Variants in LEKR1 observed in about 807,000 individuals in gnomAD.
LEKR1 encodes protein LEKR1.
A neutral mutation model predicts 72.4 loss-of-function variants in LEKR1; 59 were observed. The ratio of observed to expected loss-of-function variants is 0.82; its 90% confidence interval spans 0.66 to 1.01. The LOEUF (loss-of-function observed/expected upper bound fraction) is 1.01. Ranked by LOEUF, LEKR1 falls within the 50% of genes least tolerant of loss-of-function variation. The probability of loss-of-function intolerance (pLI) is 0.00; values close to 1 mark genes in which losing one functional copy is unlikely to be tolerated. For synonymous variants in LEKR1, 257 were observed against 263.2 expected (o/e 0.98, Z 0.23); for missense variants, 728 against 759.2 (o/e 0.96, Z 0.48).
intron 6 of LEKR1, among the ~76,000 whole-genome samples, chr3:156,971,002 A>G (rs1345716183): frequency 6.6e-6 from 1 of 151,764 alleles, no homozygotes; most frequent in African/African-American, 2.4e-5. Flanking sequence ...TAAAGTTCAT[A>G]TGGAACCAAA....
At chr3:157,004,873 C>T (rs903424713) in intron 9 of LEKR1, among the ~76,000 whole-genome samples, 7 of 151,898 alleles carry the variant, frequency 4.6e-5, no homozygotes, top group Non-Finnish European at 1.0e-4. Flanking sequence ...TTTCAGCTTC[C>T]ACTTTAGGCA....
chr3:156,930,718 T>C (rs1023314946), intron 5 of LEKR1, among the ~76,000 whole-genome samples: 4 of 152,080 alleles, frequency 2.6e-5, no homozygotes, highest in African/African-American at 9.7e-5. Context: ...GGCATATGGA[T>C]CAACAAAGAT....
chr3:156,870,610 T>C (rs959293153), intron 3 of LEKR1, among the ~76,000 whole-genome samples: 2 of 152,110 alleles, frequency 1.3e-5, no homozygotes, highest in Admixed American at 6.6e-5. Context: ...TTTCTAGATA[T>C]TTATATCATC....
chr3:156,877,302 T>G (rs183845519), intron 3 of LEKR1, among the ~76,000 whole-genome samples: 1 of 152,280 alleles, frequency 6.6e-6, no homozygotes, highest in Admixed American at 6.5e-5. Flanking sequence ...TTTATGTCAT[T>G]CCTGGTTTTG....
chr3:156,898,362 A>G (rs185934608), intron 3 of LEKR1, among the ~76,000 whole-genome samples: 9 of 152,248 alleles, frequency 5.9e-5, no homozygotes, highest in African/African-American at 2.2e-4. Flanking sequence ...ACCCTTAGAT[A>G]GGAATTTGGG....
At chr3:157,033,610 C>T (rs2108041494) in intron 12 of LEKR1, among the ~76,000 whole-genome samples, 1 of 152,294 alleles carries the variant, frequency 6.6e-6, no homozygotes, top group Non-Finnish European at 1.5e-5. Context: ...GACAAGAAGC[C>T]ATTTCCAGAA....
chr3:156,946,335 T>A (rs1406955113), intron 6 of LEKR1, among the ~76,000 whole-genome samples: 2 of 151,578 alleles, frequency 1.3e-5, no homozygotes, highest in Non-Finnish European at 3.0e-5. Context: ...GTTCTAATAG[T>A]TTTTATGGAG....
chr3:156,892,055 A>G (rs1720719511), intron 3 of LEKR1, among the ~76,000 whole-genome samples: 1 of 152,272 alleles, frequency 6.6e-6, no homozygotes. Context: ...AAAAAAAAAA[A>G]TCAGCAACAA....
intron 3 of LEKR1, among the ~76,000 whole-genome samples, chr3:156,869,144 A>G (rs1015529345): frequency 3.9e-5 from 6 of 152,004 alleles, no homozygotes; most frequent in African/African-American, 1.4e-4. Flanking sequence ...ATTATGAGTA[A>G]TTCTCCAATA....
chr3:156,953,709 T>C (rs1223374800), intron 6 of LEKR1, among the ~76,000 whole-genome samples: 1 of 152,018 alleles, frequency 6.6e-6, no homozygotes, highest in Non-Finnish European at 1.5e-5. Context: ...CATTCCTTTT[T>C]ATGGCTGCAT....
At chr3:157,025,463 T>TG (rs1478021559) in intron 11 of LEKR1, among the ~76,000 whole-genome samples, 1 of 152,182 alleles carries the variant, frequency 6.6e-6, no homozygotes, top group Non-Finnish European at 1.5e-5. Flanking sequence ...TGTATGTGTG[T>TG]GTGTGTGTGT....
At chr3:157,006,958 T>C (rs183062418) in intron 9 of LEKR1, among the ~76,000 whole-genome samples, 2 of 152,180 alleles carry the variant, frequency 1.3e-5, no homozygotes, top group African/African-American at 4.8e-5. Flanking sequence ...TCCCAGCACT[T>C]TGGGAGGCCG....
At chr3:156,952,231 G>A (rs1576887622) in intron 6 of LEKR1, among the ~76,000 whole-genome samples, 1 of 151,442 alleles carries the variant, frequency 6.6e-6, no homozygotes, top group African/African-American at 2.4e-5. Context: ...GGCCCCAGGA[G>A]TTGTAGATTC....
Position 157,045,447 on chromosome 3 carries a change from T to C in LEKR1, c.1776T>C (p.Arg592=). 1 of 1,614,042 alleles carries C rather than the reference T, an allele frequency of 6.2e-7. No individual in the cohort carries two copies. The highest frequency in any genetic ancestry group is 8.5e-7 in the Non-Finnish European group (1 of 1,179,944). ...REQLLELSKL[R]GSLPFSPCSL... is the part of the protein sequence containing the mutation. ...AGCTCCTGGAGCTCAGTAAGCTTCGTGGAAGTTTACCATTCTCACCGTGTT... is the reference window on the plus strand; with the variant it reads ...AGCTCCTGGAGCTCAGTAAGCTTCGCGGAAGTTTACCATTCTCACCGTGTT... Residue 592 remains arginine, a synonymous_variant, in exon 13 of 13, where the codon CGT becomes CGC. Coordinates refer to ENST00000356539, the MANE Select transcript of LEKR1 (RefSeq NM_001004316.3).
At chr3:156,887,675 T>C (rs1046588606) in intron 3 of LEKR1, among the ~76,000 whole-genome samples, 34 of 152,304 alleles carry the variant, frequency 2.2e-4, no homozygotes, top group Middle Eastern at 3.4e-3. Context: ...ATATGAATTT[T>C]AATCATATAG....
chr3:156,992,744 AT>A lies in LEKR1; in HGVS notation c.905+19del. 2 of 658,402 alleles carry A rather than the reference AT, an allele frequency of 3.0e-6. No homozygotes were observed. The highest frequency in any genetic ancestry group is 3.1e-5 in the South Asian group (1 of 32,112). The allele number at this position is 658,402 out of a possible 1,614,324, so 40.8% of individuals were successfully genotyped here. ...TTCTGAGTCACAGTATGCATTACCA[AT>A]TTTTAAATTTATATTTTTAATAATT... On this transcript the variant is annotated intron_variant, in intron 8 of 12. Transcript: ENST00000356539.
chr3:157,045,896 TA>T lies in LEKR1; in HGVS notation c.*151del. ...TATAGATGTATTTAACAAAAGACTGTAAAAAGCTGGAAAATTGTGAAGCCTT... is the reference window on the plus strand; with the variant it reads ...TATAGATGTATTTAACAAAAGACTGTAAAAGCTGGAAAATTGTGAAGCCTT... On this transcript the variant is annotated 3_prime_UTR_variant, in exon 13 of 13. Transcript: ENST00000356539. 1.4e-6 allele frequency: 1 copy of T among 728,274 alleles called. No homozygotes were observed. The highest frequency in any genetic ancestry group is 2.7e-5 in the East Asian group (1 of 36,656). 45.1% of individuals were successfully genotyped at this position (728,274 alleles called of 1,614,324 possible).
rs780055555 is a variant in LEKR1 at position 156,993,225 on chromosome 3, A to G, written c.1057A>G (p.Lys353Glu). Residue 353 changes from lysine (K) to glutamate (E), a missense_variant, in exon 9 of 13, where the codon AAA (lysine) becomes GAA (glutamate). Coordinates refer to ENST00000356539, the MANE Select transcript of LEKR1 (RefSeq NM_001004316.3). The stretch of plus-strand genomic sequence containing the variant: ...TGCAGAAAATGAACTGGAGATAACC[A>G]AAACTCTTCTGAATCAGACAAGGGA... ...NLAENELEIT[K>E]TLLNQTREEV... 15 of 1,612,100 alleles carry G rather than the reference A, an allele frequency of 9.3e-6. No individual in the cohort carries two copies. The highest frequency in any genetic ancestry group is 1.3e-5 in the Non-Finnish European group (15 of 1,179,218).
chr3:156,992,721 C>A lies in LEKR1; in HGVS notation c.896C>A (p.Ser299Tyr). Residue 299 changes from serine (S) to tyrosine (Y), a missense_variant, in exon 8 of 13, where the codon TCT becomes TAT. Transcript: ENST00000356539. ...LKKLKFESIISESQHTMLLKE... is the reference protein window; with the variant it reads ...LKKLKFESIIYESQHTMLLKE... Reference sequence around the variant, plus strand: ...AAACTGAAGTTTGAATCCATTATTTCTGAGTCACAGTATGCATTACCAATT... The same window carrying A: ...AAACTGAAGTTTGAATCCATTATTTATGAGTCACAGTATGCATTACCAATT... 9.9e-7 allele frequency: 1 copy of A among 1,007,520 alleles called. No individual in the cohort carries two copies. Among genetic ancestry groups the A allele is most frequent in the Non-Finnish European group, 1.3e-6 (1 of 795,712 alleles). The allele number at this position is 1,007,520 out of a possible 1,614,324, so 62.4% of individuals were successfully genotyped here.
Sources: allele counts gnomAD v4.1 joint callset (sites outside exome capture counted in the v4.1 genomes callset), GRCh38; gene constraint gnomAD v4.1.1; transcripts MANE v1.5; gene names NCBI Gene and HGNC (gene_info 2026-07-23, HGNC 2026-07-21).